COLQ: variants seen among roughly 807,000 people sequenced by gnomAD.
COLQ encodes the protein acetylcholinesterase collagenic tail peptide.
In COLQ, 48 loss-of-function variants were observed where a neutral mutation model predicts 69.0. The ratio of observed to expected loss-of-function variants is 0.70; its 90% confidence interval spans 0.55 to 0.88. The LOEUF is 0.88. Among genes scored for constraint, COLQ ranks in the 40% least tolerant of loss-of-function variants. The pLI, the probability that COLQ is intolerant of heterozygous loss-of-function variation, is 0.00. For synonymous variants in COLQ, 217 were observed against 211.2 expected, an observed-to-expected ratio of 1.03 and a Z score of -0.24; for missense variants, 618 against 594.6, an observed-to-expected ratio of 1.04 and a Z score of -0.41.
chr3:15,465,079 C>G (rs1314631688), intron 12 of COLQ, among the ~76,000 whole-genome samples: 1 of 151,842 alleles, frequency 6.6e-6, no homozygotes, highest in Non-Finnish European at 1.5e-5. Flanking sequence ...GAGGCTGAGG[C>G]AGGGGAATCA....
In COLQ at chr3:15,473,095, T is replaced by C. The variant is rs1386715709; in HGVS notation, c.636+905A>G. 1.3e-5 allele frequency among the ~76,000 whole-genome samples: 2 copies of C among 152,038 alleles called. No individual in the cohort carries two copies. Among genetic ancestry groups the C allele is most frequent in the Non-Finnish European group, 2.9e-5 (2 of 68,018 alleles). On this transcript the variant is annotated intron_variant, in intron 10 of 16. Coordinates refer to ENST00000383788, the MANE Select transcript of COLQ (RefSeq NM_005677.4). The surrounding 1 kb of genome is among the most constrained non-coding windows in gnomAD (Gnocchi z 4.0). ...TGAGTATTTTTTTCTTTAAGTTACCTGAAATGGACCCTTTTTTATTAAGCC... is the reference window on the plus strand; with the variant it reads ...TGAGTATTTTTTTCTTTAAGTTACCCGAAATGGACCCTTTTTTATTAAGCC...
intron 1 of COLQ, among the ~76,000 whole-genome samples, chr3:15,492,581 G>A (rs533287818): frequency 3.6e-4 from 54 of 152,096 alleles, no homozygotes; most frequent in Non-Finnish European, 6.5e-4. Context: ...GTGGGAGAAT[G>A]GCGTGAACCC....
intron 1 of COLQ, among the ~76,000 whole-genome samples, chr3:15,504,138 C>A (rs930397986): frequency 6.6e-6 from 1 of 151,956 alleles, no homozygotes; most frequent in African/African-American, 2.4e-5. Flanking sequence ...GACAAATCTG[C>A]AACTCACTTG....
chr3:15,451,525 G>T lies in COLQ; in HGVS notation c.*119C>A. ...CAGCATGTCTTAGTAGCAGGAATTT[G>T]TCCTTGTTTTTGTCACACAAAGGTT... On this transcript the variant is annotated 3_prime_UTR_variant, in exon 17 of 17. Transcript: ENST00000383788. 1.1e-6 allele frequency: 1 copy of T among 930,098 alleles called. No homozygotes were observed. Among genetic ancestry groups the T allele is most frequent in the Non-Finnish European group, 1.8e-6 (1 of 555,854 alleles). 57.6% of individuals were successfully genotyped at this position (930,098 alleles called of 1,614,324 possible).
At chr3:15,503,649 G>A (rs907338585) in intron 1 of COLQ, among the ~76,000 whole-genome samples, 6 of 152,046 alleles carry the variant, frequency 3.9e-5, no homozygotes, top group African/African-American at 9.7e-5. Context: ...TTTGATCCCC[G>A]CAACAGCCCC....
At chr3:15,475,707 A>G (rs1000240311) in intron 6 of COLQ, among the ~76,000 whole-genome samples, 1 of 152,166 alleles carries the variant, frequency 6.6e-6, no homozygotes, top group African/African-American at 2.4e-5. Context: ...AAAACGCCCA[A>G]AGTGAAGCAG....
intron 1 of COLQ, among the ~76,000 whole-genome samples, chr3:15,519,317 C>G (rs529309785): frequency 6.6e-6 from 1 of 152,234 alleles, no homozygotes; most frequent in Non-Finnish European, 1.5e-5. Flanking sequence ...GACCTCCAGG[C>G]TCTGCCCTCT....
Position 15,491,828 on chromosome 3 carries a change from G to A in COLQ, c.107-2191C>T, listed in dbSNP as rs149117498. Among the ~76,000 whole-genome samples, 1,299 of 152,306 alleles carry A rather than the reference G, an allele frequency of 8.5e-3. 17 individuals carry two copies. The highest frequency in any genetic ancestry group is 0.027 in the African/African-American group (1,134 of 41,554). On this transcript the variant is annotated intron_variant, in intron 1 of 16. Transcript: ENST00000383788. ...TAATCCCAGCACTTTGGGAGGCCAAGGTGGGCAGATCACGAGGTCAAGAGA... is the reference window on the plus strand; with the variant it reads ...TAATCCCAGCACTTTGGGAGGCCAAAGTGGGCAGATCACGAGGTCAAGAGA...
intron 1 of COLQ, among the ~76,000 whole-genome samples, chr3:15,517,657 T>G (rs190902972): frequency 4.6e-5 from 7 of 152,232 alleles, no homozygotes; most frequent in Admixed American, 3.9e-4. Flanking sequence ...AAATGGTTGT[T>G]GTTTTGATCT....
At chr3:15,465,210 T>C (rs2062178869) in intron 12 of COLQ, among the ~76,000 whole-genome samples, 1 of 151,256 alleles carries the variant, frequency 6.6e-6, no homozygotes, top group Non-Finnish European at 1.5e-5. Flanking sequence ...ATCTATGCCC[T>C]TCTCAATAAC....
chr3:15,487,994 T>G (rs926905537), intron 3 of COLQ, among the ~76,000 whole-genome samples: 6 of 152,316 alleles, frequency 3.9e-5, no homozygotes, highest in African/African-American at 1.2e-4. Context: ...TTATCCCCAT[T>G]GCATAGATGA....
chr3:15,454,881 G>A (rs941202289), intron 15 of COLQ, among the ~76,000 whole-genome samples: 1 of 151,722 alleles, frequency 6.6e-6, no homozygotes, highest in Non-Finnish European at 1.5e-5. Context: ...GCCCAGGCTG[G>A]TCTTGAACTC....
rs1273302799 is a variant in COLQ, at chr3:15,479,377, T to C, written c.327A>G (p.Pro109=). 1.2e-6 allele frequency: 2 copies of C among 1,613,968 alleles called. No homozygotes were observed. Among genetic ancestry groups the C allele is most frequent in the Non-Finnish European group, 1.7e-6 (2 of 1,179,954 alleles). ...GTCCTGTCTTGCCAGGAAGCCCCGG[T>C]GGACCCTAATCAATCAAGATAAAAA... is the stretch of plus-strand genomic sequence containing the variant. The part of the protein sequence containing the change: ...GSPGPPGPQG[P]PGLPGKTGPK... Residue 109 remains proline, a synonymous_variant, in exon 4 of 17, where the codon CCA becomes CCG. Coordinates refer to ENST00000383788, the MANE Select transcript of COLQ (RefSeq NM_005677.4).
At position 15,488,178 on chromosome 3, in the gene COLQ, C is replaced by T. The variant is rs375323605; in HGVS notation, c.321+28G>A. ...CTTTCCTGCTCTAAACAGAAGACAG[C>T]GAGAGGGGTCCGGTAGAGTGCACCA... On this transcript the variant is annotated intron_variant, in intron 3 of 16. Coordinates refer to ENST00000383788, the MANE Select transcript of COLQ (RefSeq NM_005677.4). 14 of 1,534,334 alleles carry T rather than the reference C, an allele frequency of 9.1e-6. No individual in the cohort carries two copies. In the Admixed American group the frequency reaches 1.0e-4, roughly 11 times the overall value.
intron 1 of COLQ, among the ~76,000 whole-genome samples, chr3:15,512,860 G>A (rs1396483457): frequency 6.6e-6 from 1 of 152,202 alleles, no homozygotes; most frequent in Non-Finnish European, 1.5e-5. Flanking sequence ...GGCACCAACA[G>A]GGTAATTTGC....
At chr3:15,489,415 G>T in intron 2 of COLQ, 110 bp downstream of exon 2, 2 of 1,018,614 alleles carry the variant, frequency 2.0e-6, no homozygotes, top group South Asian at 2.7e-5. Flanking sequence ...GAGGCTCTCA[G>T]AAAAGATTCC....
intron 1 of COLQ, among the ~76,000 whole-genome samples, chr3:15,502,044 G>A (rs2062837157): frequency 6.6e-6 from 1 of 151,742 alleles, no homozygotes; most frequent in East Asian, 1.9e-4. Flanking sequence ...TTACTCAGGA[G>A]AGTCTTGTAG....
chr3:15,456,092 T>A, intron 14 of COLQ, 73 bp from the exon 15 acceptor site: 1 of 1,584,604 alleles, frequency 6.3e-7, no homozygotes, highest in Non-Finnish European at 8.6e-7. Context: ...AGGTCATTGG[T>A]TTTGGTCCAA....
At chr3:15,458,083 G>T in intron 13 of COLQ, 103 bp downstream of exon 13, 3 of 1,356,628 alleles carry the variant, frequency 2.2e-6, no homozygotes, top group Non-Finnish European at 3.2e-6. Flanking sequence ...TCAGAGTCGT[G>T]AAAAAAAGTT....
Sources: allele counts gnomAD v4.1 joint callset (sites outside exome capture counted in the v4.1 genomes callset), GRCh38; gene constraint gnomAD v4.1.1; non-coding constraint Gnocchi (gnomAD v3.1); transcripts MANE v1.5; gene names NCBI Gene and HGNC (gene_info 2026-07-23, HGNC 2026-07-21).